SLC14A2: variants seen among roughly 807,000 people sequenced by gnomAD.
SLC14A2 encodes the protein urea transporter 2.
Under a neutral mutation model 104.6 loss-of-function variants are expected in SLC14A2, and 91 were observed. The observed-to-expected ratio is 0.87, with a 90% CI of 0.73 to 1.04. The LOEUF (loss-of-function observed/expected upper bound fraction) is 1.04, where lower values mean the gene tolerates loss of function less well. Ranked by LOEUF, SLC14A2 falls within the 50% of genes least tolerant of loss-of-function variation. The probability of loss-of-function intolerance (pLI) is 0.00; values close to 1 mark genes in which losing one functional copy is unlikely to be tolerated. For missense variants in SLC14A2, 1,189 were observed against 1,156.0 expected (o/e 1.03, Z -0.41); for synonymous variants, 476 against 466.4 (o/e 1.02, Z -0.27).
rs770655968 is a variant in SLC14A2, at chr18:45,565,327, C to T, written c.-34-59304C>T. ...TTTTAGTAGAGATGGGGTTTCACTG[C>T]GTTAGCCAGGATGGTCTTGATCTCC... On this transcript the variant is annotated intron_variant, in intron 2 of 20. Transcript: ENST00000586448. Among the ~76,000 whole-genome samples the T allele has an allele frequency of 3.0e-4, 45 of 151,956 alleles. 1 individual carries two copies. The highest frequency in any genetic ancestry group is 4.6e-4 in the Admixed American group (7 of 15,258).
chr18:45,211,219 C>T, upstream of SLC14A2, among the ~76,000 whole-genome samples: 1 of 152,174 alleles, frequency 6.6e-6, no homozygotes, highest in East Asian at 1.9e-4. Context: ...CTTGACAGCA[C>T]AACCAACATA....
intron 1 of SLC14A2, among the ~76,000 whole-genome samples, chr18:45,338,301 T>C (rs1053226600): frequency 1.3e-5 from 2 of 151,952 alleles, no homozygotes; most frequent in African/African-American, 4.8e-5. Context: ...CCTGGGTTCA[T>C]GCCATTCTCC....
intron 2 of SLC14A2, among the ~76,000 whole-genome samples, chr18:45,527,062 C>G (rs1355333420): frequency 6.6e-6 from 1 of 152,086 alleles, no homozygotes; most frequent in Non-Finnish European, 1.5e-5. Context: ...AAGTAAGGCC[C>G]AGAGAGGGGC....
chr18:45,497,635 C>T (rs935634350), intron 2 of SLC14A2, among the ~76,000 whole-genome samples: 5 of 152,110 alleles, frequency 3.3e-5, no homozygotes, highest in Admixed American at 1.3e-4. Flanking sequence ...AGTGCAGCAG[C>T]GGGCTGACAA....
chr18:45,612,221 A>G (rs2044984300), upstream of SLC14A2, among the ~76,000 whole-genome samples: 1 of 152,228 alleles, frequency 6.6e-6, no homozygotes, highest in African/African-American at 2.4e-5. Context: ...AGGTCAACAG[A>G]GAGAACTGCC....
intron 9 of SLC14A2, among the ~76,000 whole-genome samples, chr18:45,643,428 A>G (rs550334685): frequency 6.6e-5 from 10 of 152,330 alleles, no homozygotes; most frequent in Admixed American, 5.9e-4. Context: ...AGTGGAAAAC[A>G]CGACGGACAG....
intron 1 of SLC14A2, among the ~76,000 whole-genome samples, chr18:45,220,977 G>A (rs943491435): frequency 6.6e-6 from 1 of 152,084 alleles, no homozygotes; most frequent in South Asian, 2.1e-4. Context: ...TTCTTCTTCT[G>A]TTAAGGACAC....
In SLC14A2 at chr18:45,426,015, T is replaced by G. The variant is rs185123635; in HGVS notation, c.-124-57218T>G. On this transcript the variant is annotated intron_variant, in intron 1 of 20. Transcript: ENST00000586448. Reference sequence around the variant, plus strand: ...ACTACTCACAACTCTCTTACATCCTTTTTGTCATTAAAAGAGAGCAAGTCC... The same window carrying G: ...ACTACTCACAACTCTCTTACATCCTGTTTGTCATTAAAAGAGAGCAAGTCC... 4.7e-4 allele frequency among the ~76,000 whole-genome samples: 71 copies of G among 152,258 alleles called. 1 individual carries two copies. Among genetic ancestry groups the G allele is most frequent in the African/African-American group, 1.6e-3 (67 of 41,554 alleles).
intron 1 of SLC14A2, among the ~76,000 whole-genome samples, chr18:45,226,390 T>G (rs1259321018): frequency 6.6e-6 from 1 of 152,104 alleles, no homozygotes; most frequent in Non-Finnish European, 1.5e-5. Flanking sequence ...TGTGGCACTA[T>G]TCACAATAGC....
intron 1 of SLC14A2, among the ~76,000 whole-genome samples, chr18:45,315,620 A>C (rs1372800986): frequency 6.6e-6 from 1 of 152,250 alleles, no homozygotes; most frequent in East Asian, 1.9e-4. Context: ...CCCATGGCCC[A>C]GTAATACATG....
intron 1 of SLC14A2, among the ~76,000 whole-genome samples, chr18:45,352,681 G>T (rs1439836255): frequency 6.6e-6 from 1 of 152,020 alleles, no homozygotes; most frequent in Admixed American, 6.6e-5. Context: ...AATAAAAGAA[G>T]TGGTAAGAAC....
chr18:45,234,108 A>G (rs192982809), intron 1 of SLC14A2, among the ~76,000 whole-genome samples: 293 of 152,192 alleles, frequency 1.9e-3, no homozygotes, highest in African/African-American at 6.7e-3. Flanking sequence ...AAAATTAAGA[A>G]AAATTAAGTG....
At chr18:45,193,321 A>G in the SLC14A2 span, among the ~76,000 whole-genome samples, 3 of 152,218 alleles carry the variant, frequency 2.0e-5, no homozygotes, top group Non-Finnish European at 4.4e-5. Flanking sequence ...AGCTAGGGAC[A>G]TAAAGTTTTT....
the SLC14A2 span, among the ~76,000 whole-genome samples, chr18:45,207,134 A>T: frequency 6.6e-6 from 1 of 152,182 alleles, no homozygotes; most frequent in Non-Finnish European, 1.5e-5. Flanking sequence ...TCTAGAAAAA[A>T]TGGTGAGGCT....
chr18:45,213,598 T>A (rs2083980772), intron 1 of SLC14A2, among the ~76,000 whole-genome samples: 1 of 152,200 alleles, frequency 6.6e-6, no homozygotes, highest in Admixed American at 6.5e-5. Context: ...AAGTTCTTTA[T>A]CCCATTCAAA....
In SLC14A2 at chr18:45,632,466, C is replaced by T; in HGVS notation, c.638C>T (p.Thr213Ile). 1.9e-6 allele frequency: 3 copies of T among 1,613,628 alleles called. No individual in the cohort carries two copies. Among genetic ancestry groups the T allele is most frequent in the Non-Finnish European group, 2.5e-6 (3 of 1,179,816 alleles). The change falls in exon 5 of 20, where the codon ACA (threonine) becomes ATA (isoleucine). Residue 213 changes from threonine (T) to isoleucine (I), a missense_variant. By Grantham distance (89) the Thr-to-Ile change is moderately conservative (BLOSUM62 -1). Coordinates refer to ENST00000255226, the MANE Select transcript of SLC14A2 (RefSeq NM_007163.4). The stretch of plus-strand genomic sequence containing the variant: ...TGGCTTCTGTTTCCTGTGACCTTCA[C>T]AGCCATGTCCTGGTGAGGCACCTCA... ...YWWLLFPVTFTAMSCPVLSSA... is the reference protein window; with the variant it reads ...YWWLLFPVTFIAMSCPVLSSA...
At chr18:45,367,774 G>A (rs1319896086) in intron 1 of SLC14A2, among the ~76,000 whole-genome samples, 1 of 152,162 alleles carries the variant, frequency 6.6e-6, no homozygotes, top group African/African-American at 2.4e-5. Context: ...TTGAGCTGGT[G>A]TGTAAGTTTT....
rs188207085 is a variant in SLC14A2 at position 45,659,767 on chromosome 18, T to A, written c.1352-4018T>A. Among the ~76,000 whole-genome samples, 273 of 152,310 alleles carry A rather than the reference T, an allele frequency of 1.8e-3. 1 individual carries two copies. Among genetic ancestry groups the A allele is most frequent in the African/African-American group, 5.6e-3 (234 of 41,562 alleles). On this transcript the variant is annotated intron_variant, in intron 10 of 19. Coordinates refer to ENST00000255226, the MANE Select transcript of SLC14A2 (RefSeq NM_007163.4). ...CATTTAACATTTATACTAAGATACA[T>A]TATTTTACAAAAACTGTTTGTACCC... is the stretch of plus-strand genomic sequence containing the variant.
At chr18:45,451,437 ATAAC>A (rs1466464915) in intron 1 of SLC14A2, among the ~76,000 whole-genome samples, 2 of 151,870 alleles carry the variant, frequency 1.3e-5, no homozygotes, top group Non-Finnish European at 2.9e-5. Context: ...GGAAGGAAAA[ATAAC>A]TATCTGATCC....
Sources: gnomAD v4.1 joint callset for allele counts (sites outside exome capture counted in the v4.1 genomes callset) on GRCh38, gnomAD v4.1.1 for gene constraint, MANE v1.5 for transcripts, NCBI Gene and HGNC (gene_info 2026-07-23, HGNC 2026-07-21) for gene names.